CYP4A11: variants seen among roughly 807,000 people sequenced by gnomAD.
CYP4A11 encodes cytochrome P450 family 4 subfamily A member 11.
CYP4A11 carries 52 observed loss-of-function variants against 57.7 expected under a neutral mutation model. The ratio of observed to expected loss-of-function variants is 0.90; its 90% CI spans 0.72 to 1.14. The LOEUF (loss-of-function observed/expected upper bound fraction) is 1.14, where lower values mean the gene tolerates loss of function less well. CYP4A11 is among the 50% of genes most tolerant of loss of function. CYP4A11 has a pLI of 0.00. For synonymous variants in CYP4A11, 228 were observed against 247.1 expected (o/e 0.92, Z 0.72); for missense variants, 641 against 642.1 (o/e 1.00, Z 0.02).
In CYP4A11 at chr1:46,932,857, G is replaced by A. The variant is rs765386058; in HGVS notation, c.1288-20C>T. ...AAACACCTGCAGAGAGAGCACCAGA[G>A]CCAGGATAGTTAAGGATCCAGCACC... On this transcript the variant is annotated intron_variant, in intron 10 of 11. Transcript: ENST00000310638. 2.5e-6 allele frequency: 4 copies of A among 1,614,212 alleles called. No individual in the cohort carries two copies. The highest frequency in any genetic ancestry group is 1.7e-5 in the Admixed American group (1 of 60,026).
chr1:46,936,932 C>T, intron 3 of CYP4A11, 141 bp from the exon 4 acceptor site: 1 of 1,417,268 alleles, frequency 7.1e-7, no homozygotes, highest in Non-Finnish European at 9.2e-7. Context: ...CAGAAGAAGC[C>T]ACGTCATGGG....
At chr1:46,932,136 A>G in intron 11 of CYP4A11, 1 of 981,396 alleles carries the variant, frequency 1.0e-6, no homozygotes, top group Non-Finnish European at 1.2e-6. Flanking sequence ...TGTGAACACT[A>G]TATAATGCAG....
Position 46,936,704 on chromosome 1 carries a change from G to T in CYP4A11, c.470C>A (p.Pro157His), listed in dbSNP as rs370673519. The T allele has an allele frequency of 1.2e-4, 199 of 1,613,524 alleles. No homozygotes were observed. Among genetic ancestry groups the T allele is most frequent in the Non-Finnish European group, 1.6e-4 (191 of 1,179,816 alleles). Residue 157 changes from proline to histidine, a missense_variant, in exon 4 of 12, where the codon CCC becomes CAC. Physicochemically the swap from Pro to His is moderately conservative, Grantham distance 77. Transcript: ENST00000310638. The stretch of plus-strand genomic sequence containing the variant: ...AGAGTCTGCCATGAGCCCCACATAG[G>T]GCTTCAGGATGTCATAGTGGAAGGC... The part of the protein sequence containing the change: ...TPAFHYDILK[P>H]YVGLMADSVR...
Position 46,930,036 on chromosome 1 carries a change from C to T in CYP4A11, c.*79G>A. The T allele has an allele frequency of 1.3e-6, 2 of 1,482,514 alleles. No individual in the cohort carries two copies. Among genetic ancestry groups the T allele is most frequent in the Non-Finnish European group, 1.8e-6 (2 of 1,108,240 alleles). The allele number at this position is 1,482,514 out of a possible 1,614,324, so 91.8% of individuals were successfully genotyped here. A position where few individuals can be genotyped will look rare whatever the true frequency, so the allele number is the denominator to read the frequency against. ...GCAGGTGGGAAGAAGGGAAGGTGGG[C>T]AGACAGAAAACAGGATATGGGCAGA... On this transcript the variant is annotated 3_prime_UTR_variant, in exon 12 of 12. Transcript: ENST00000310638.
chr1:46,930,149 A>C lies in CYP4A11; in HGVS notation c.1526T>G (p.Leu509Arg), dbSNP rs374049336. Residue 509 changes from leucine (L) to arginine (R), a missense_variant, in exon 12 of 12, where the codon CTC becomes CGC. Leu to Arg is a moderately radical substitution (Grantham distance 102). Coordinates refer to ENST00000310638, the MANE Select transcript of CYP4A11 (RefSeq NM_000778.4). Reference protein sequence around the residue: ...KNGIHLRLRRLPNPCEDKDQL With the variant: ...KNGIHLRLRRRPNPCEDKDQL ...GTCCTTGTCTTCACAAGGGTTAGGG[A>C]GCCTCCTGAGACGCAGGTGGATTCC... 3.7e-6 allele frequency: 6 copies of C among 1,613,700 alleles called. No individual in the cohort carries two copies. In the African/African-American group the frequency reaches 8.0e-5, roughly 22 times the overall value.
rs998093204 is a variant in CYP4A11 at position 46,937,224 on chromosome 1, T to C, written c.382+78A>G. 6 of 1,516,970 alleles carry C rather than the reference T, an allele frequency of 4.0e-6. No individual in the cohort carries two copies. The Admixed American group carries it at 1.0e-4, about 26-fold the overall frequency. The allele number at this position is 1,516,970 out of a possible 1,614,324, so 94.0% of individuals were successfully genotyped here. ...AGGTCATGATAGTGGTGGCCTCTAA[T>C]CTGTTGTTCTCTGTGAGCCAAATAA... is the stretch of plus-strand genomic sequence containing the variant. On this transcript the variant is annotated intron_variant, in intron 3 of 11. Coordinates refer to ENST00000310638, the MANE Select transcript of CYP4A11 (RefSeq NM_000778.4).
intron 2 of CYP4A11, 35 bp from the exon 3 acceptor site, chr1:46,937,381 G>A: frequency 6.2e-7 from 1 of 1,607,752 alleles, no homozygotes; most frequent in Non-Finnish European, 8.5e-7. Context: ...AGGAAACTAG[G>A]AGTTACTAAG....
chr1:46,935,242 T>A (rs1375196383), intron 5 of CYP4A11, 88 bp from the exon 6 acceptor site: 52 of 1,469,762 alleles, frequency 3.5e-5, no homozygotes, highest in Non-Finnish European at 4.5e-5. Context: ...CAGCCTCGGA[T>A]AATGGGGACA....
rs962899211 is a variant in CYP4A11, at chr1:46,930,163, C to G, written c.1512G>C (p.Leu504=). The G allele has an allele frequency of 3.7e-6, 6 of 1,614,002 alleles. No homozygotes were observed. Among genetic ancestry groups the G allele is most frequent in the Non-Finnish European group, 5.1e-6 (6 of 1,179,956 alleles). ...LVLKSKNGIH[L]RLRRLPNPCE... Reference sequence around the variant, plus strand: ...AAGGGTTAGGGAGCCTCCTGAGACGCAGGTGGATTCCATTTTTGGATTTCA... The same window carrying G: ...AAGGGTTAGGGAGCCTCCTGAGACGGAGGTGGATTCCATTTTTGGATTTCA... Residue 504 remains leucine (L), a synonymous_variant, in exon 12 of 12, where the codon CTG becomes CTC. Transcript: ENST00000310638.
In CYP4A11 at chr1:46,934,466, A is replaced by G; in HGVS notation, c.884T>C (p.Leu295Pro). 6.2e-7 allele frequency: 1 copy of G among 1,613,780 alleles called. No individual in the cohort carries two copies. Among genetic ancestry groups the G allele is most frequent in the Non-Finnish European group, 8.5e-7 (1 of 1,179,834 alleles). ...ACACATACTCACTTTGGCCAAGAGG[A>G]GGATATCCAGAAAATCCAAATGCCT... is the stretch of plus-strand genomic sequence containing the variant. ...RKRHLDFLDI[L>P]LLAKMENGSI... The change falls in exon 7 of 12, where the codon CTC becomes CCC. Residue 295 changes from leucine to proline, a missense_variant. Physicochemically the swap from Leu to Pro is moderately conservative, Grantham distance 98. Coordinates refer to ENST00000310638, the MANE Select transcript of CYP4A11 (RefSeq NM_000778.4).
Position 46,935,664 on chromosome 1 carries a change from C to A in CYP4A11, c.511-17G>T. Reference sequence around the variant, plus strand: ...CCATTTGTCCTGTGGTGGGAGGGGGCATGGACCTTCTTAATCTCCAAGAAG... The same window carrying A: ...CCATTTGTCCTGTGGTGGGAGGGGGAATGGACCTTCTTAATCTCCAAGAAG... On this transcript the variant is annotated splice_polypyrimidine_tract_variant and intron_variant, in intron 4 of 11. Transcript: ENST00000310638. 1 of 1,603,320 alleles carries A rather than the reference C, an allele frequency of 6.2e-7. No individual in the cohort carries two copies. Among genetic ancestry groups the A allele is most frequent in the South Asian group, 1.1e-5 (1 of 89,492 alleles).
At position 46,938,112 on chromosome 1, in the gene CYP4A11, C is replaced by A. The variant is rs141891892; in HGVS notation, c.221G>T (p.Arg74Leu). 12 of 1,614,216 alleles carry A rather than the reference C, an allele frequency of 7.4e-6. No homozygotes were observed. Among genetic ancestry groups the A allele is most frequent in the South Asian group, 1.1e-5 (1 of 91,074 alleles). Reference protein sequence around the residue: ...QELQQDQELQRIQKWVETFPS... With the variant: ...QELQQDQELQLIQKWVETFPS... Reference sequence around the variant, plus strand: ...GAATGTCTCCACCCATTTCTGAATCCGTTGTAGCTCCTGGTCCTGTTGGAG... The same window carrying A: ...GAATGTCTCCACCCATTTCTGAATCAGTTGTAGCTCCTGGTCCTGTTGGAG... The change falls in exon 2 of 12, where the codon CGG (arginine) becomes CTG (leucine). Residue 74 changes from arginine (R) to leucine (L), a missense_variant. Coordinates refer to ENST00000310638, the MANE Select transcript of CYP4A11 (RefSeq NM_000778.4).
At chr1:46,938,876 C>T (rs1478570307) in intron 1 of CYP4A11, among the ~76,000 whole-genome samples, 4 of 152,240 alleles carry the variant, frequency 2.6e-5, no homozygotes, top group African/African-American at 9.6e-5. Context: ...TCTTTTCTTG[C>T]CTCCAGCCCT....
intron 1 of CYP4A11, among the ~76,000 whole-genome samples, chr1:46,939,954 C>G (rs1311572093): frequency 6.7e-6 from 1 of 148,604 alleles, no homozygotes; most frequent in Non-Finnish European, 1.5e-5. Context: ...TATGTTGCCT[C>G]CTTTGCTGAG....
rs766191296 is a variant in CYP4A11, at chr1:46,934,033, C to T, written c.1135G>A (p.Ala379Thr). The T allele has an allele frequency of 8.1e-6, 13 of 1,613,632 alleles. No homozygotes were observed. The Admixed American group carries it at 1.8e-4, about 23-fold the overall frequency. ...GGCACCGGTGGGTAGAGCCTCAGTG[C>T]CTCCTTAATGCACATGGTGGTGTAG... ...MPYTTMCIKE[A>T]LRLYPPVPGI... Residue 379 changes from alanine to threonine, a missense_variant, in exon 9 of 12, where the codon GCA becomes ACA. By Grantham distance (58) the Ala-to-Thr change is moderately conservative. Transcript: ENST00000310638.
At chr1:46,939,704 T>G (rs570388962) in intron 1 of CYP4A11, among the ~76,000 whole-genome samples, 1 of 152,134 alleles carries the variant, frequency 6.6e-6, no homozygotes, top group African/African-American at 2.4e-5. Context: ...GGAGGCCTTC[T>G]TGAAGGAGGT....
At chr1:46,933,917 T>A (rs749259632) in intron 9 of CYP4A11, 29 bp downstream of exon 9, 1 of 1,613,406 alleles carries the variant, frequency 6.2e-7, no homozygotes, top group Non-Finnish European at 8.5e-7. Flanking sequence ...TGTGGAGAGT[T>A]TAGGTGAGAG....
At chr1:46,933,902 G>A (rs370539673) in intron 9 of CYP4A11, 44 bp downstream of exon 9, 171 of 1,609,128 alleles carry the variant, frequency 1.1e-4, no homozygotes, top group African/African-American at 7.1e-4. Flanking sequence ...CCCTCCACAC[G>A]TCCCTGTGGA....
Position 46,934,239 on chromosome 1 carries a change from T to A in CYP4A11, c.1025A>T (p.Lys342Met). ...WILYALATHP[K>M]HQERCREEIH... is the part of the protein sequence containing the mutation. ...CTCCTCCCGGCACCTCTCCTGATGC[T>A]TGGGGTGTGTGGCCAGAGCATAGAG... is the stretch of plus-strand genomic sequence containing the variant. The change falls in exon 8 of 12, where the codon AAG (lysine) becomes ATG (methionine). Residue 342 changes from lysine to methionine, a missense_variant. By Grantham distance (95) the Lys-to-Met change is moderately conservative. Coordinates refer to ENST00000310638, the MANE Select transcript of CYP4A11 (RefSeq NM_000778.4). 1.2e-6 allele frequency: 2 copies of A among 1,613,590 alleles called. No homozygotes were observed. The highest frequency in any genetic ancestry group is 4.5e-5 in the East Asian group (2 of 44,812).
Sources: allele counts gnomAD v4.1 joint callset (sites outside exome capture counted in the v4.1 genomes callset), GRCh38; gene constraint gnomAD v4.1.1; transcripts MANE v1.5; gene names NCBI Gene and HGNC (gene_info 2026-07-23, HGNC 2026-07-21).